Variants in EXPH5 observed in about 807,000 individuals in gnomAD.
The protein encoded by EXPH5 is exophilin 5.
A neutral mutation model predicts 41.1 loss-of-function variants in EXPH5; 42 were observed. The observed-to-expected ratio is 1.02, with a 90% confidence interval of 0.80 to 1.32. EXPH5 has a LOEUF of 1.32. Ranked by LOEUF, EXPH5 falls within the 40% of genes most tolerant of loss-of-function variation. EXPH5 has a pLI of 0.00. For synonymous variants in EXPH5, 798 were observed against 833.5 expected (o/e 0.96, Z 0.73); for missense variants, 2,298 against 2,314.5 (o/e 0.99, Z 0.15).
At chr11:108,604,263 G>A in the EXPH5 span, among the ~76,000 whole-genome samples, 2 of 151,302 alleles carry the variant, frequency 1.3e-5, no homozygotes, top group Admixed American at 6.6e-5. Context: ...GGGCATGGTG[G>A]TGTGTGCCTG....
Position 108,509,827 on chromosome 11 carries a change from G to A in EXPH5, c.5680C>T (p.Gln1894Ter). 6.2e-7 allele frequency: 1 copy of A among 1,613,590 alleles called. No homozygotes were observed. Among genetic ancestry groups the A allele is most frequent in the Non-Finnish European group, 8.5e-7 (1 of 1,179,870 alleles). The change falls in exon 6 of 6, where the codon CAG becomes TAG. Residue 1894 changes from glutamine to a stop codon, truncating the protein, a stop_gained. Transcript: ENST00000265843. LOFTEE classifies it high-confidence loss of function. ...TTTACATTTTCTAAGAAAGCTAACTGTTGTTCTTTCCCAAAGATCCCATAG... is the reference window on the plus strand; with the variant it reads ...TTTACATTTTCTAAGAAAGCTAACTATTGTTCTTTCCCAAAGATCCCATAG... ...IDYGIFGKEQ[Q>*]LAFLENVKRS...
intron 1 of EXPH5, among the ~76,000 whole-genome samples, chr11:108,582,058 T>A (rs1382719323): frequency 6.6e-6 from 1 of 152,174 alleles, no homozygotes; most frequent in East Asian, 1.9e-4. Flanking sequence ...ATTTTACCAA[T>A]CGTTTAAGGA....
chr11:108,509,774 C>T lies in EXPH5; in HGVS notation c.5733G>A (p.Trp1911Ter). The T allele has an allele frequency of 6.2e-7, 1 of 1,608,090 alleles. No individual in the cohort carries two copies. The highest frequency in any genetic ancestry group is 8.5e-7 in the Non-Finnish European group (1 of 1,178,434). ...VKRSLTQGRL[W>*]KPSFLKNPGF... ...CAGGGTTCTTAAGAAAACTTGGTTTCCATAATCTTCCTTGTGTAAGTGACC... is the reference window on the plus strand; with the variant it reads ...CAGGGTTCTTAAGAAAACTTGGTTTTCATAATCTTCCTTGTGTAAGTGACC... Residue 1911 changes from tryptophan to a stop codon, truncating the protein, a stop_gained, in exon 6 of 6, where the codon TGG becomes TGA. Coordinates refer to ENST00000265843, the MANE Select transcript of EXPH5 (RefSeq NM_015065.3). LOFTEE classifies it high-confidence loss of function.
intron 1 of EXPH5, among the ~76,000 whole-genome samples, chr11:108,572,683 C>T (rs1188418711): frequency 5.3e-5 from 8 of 152,108 alleles, no homozygotes; most frequent in East Asian, 1.9e-4. Flanking sequence ...CTCAGCCTCC[C>T]GAATAGCTGG....
chr11:108,542,004 A>G (rs1428947590), intron 1 of EXPH5, among the ~76,000 whole-genome samples, 192 bp from the exon 2 acceptor site: 2 of 152,034 alleles, frequency 1.3e-5, no homozygotes, highest in African/African-American at 4.8e-5. Context: ...CAGCTTCCCA[A>G]GTAGCTGAGA....
chr11:108,606,544 T>A, the EXPH5 span, among the ~76,000 whole-genome samples: 1 of 152,144 alleles, frequency 6.6e-6, no homozygotes, highest in African/African-American at 2.4e-5. Context: ...TTTAAAAAAA[T>A]GGATTTTAAA....
intron 2 of EXPH5, among the ~76,000 whole-genome samples, chr11:108,540,910 T>A (rs921399487): frequency 3.9e-5 from 6 of 151,950 alleles, no homozygotes; most frequent in Non-Finnish European, 8.8e-5. Flanking sequence ...TTCTATTATT[T>A]TTTTTTTATT....
At chr11:108,587,354 C>T (rs188185938) in intron 1 of EXPH5, among the ~76,000 whole-genome samples, 103 of 152,354 alleles carry the variant, frequency 6.8e-4, no homozygotes, top group Middle Eastern at 3.4e-3. Flanking sequence ...GACTAACCTT[C>T]ACCTGACTTT....
At chr11:108,539,375 C>T (rs997635790) in intron 2 of EXPH5, among the ~76,000 whole-genome samples, 189 bp from the exon 3 acceptor site, 1 of 152,160 alleles carries the variant, frequency 6.6e-6, no homozygotes, top group Non-Finnish European at 1.5e-5. Flanking sequence ...TCTGATGGTT[C>T]TGCTGCATAG....
chr11:108,605,565 C>T, the EXPH5 span, among the ~76,000 whole-genome samples: 1 of 152,126 alleles, frequency 6.6e-6, no homozygotes, highest in Admixed American at 6.5e-5. Flanking sequence ...GGACAGCCCC[C>T]CTCCTACGCC....
At chr11:108,521,326 T>C (rs574310582) in intron 4 of EXPH5, among the ~76,000 whole-genome samples, 3 of 152,298 alleles carry the variant, frequency 2.0e-5, no homozygotes, top group African/African-American at 7.2e-5. Flanking sequence ...CCTTGTGTTT[T>C]CACTCCTGCT....
rs1417609574 is a variant in EXPH5 at position 108,509,315 on chromosome 11, G to C, written c.*222C>G. 2 of 387,074 alleles carry C rather than the reference G, an allele frequency of 5.2e-6. No individual in the cohort carries two copies. The highest frequency in any genetic ancestry group is 9.1e-6 in the Non-Finnish European group (2 of 219,132). The allele number at this position is 387,074 out of a possible 1,614,324, so 24.0% of individuals were successfully genotyped here. A position where few individuals can be genotyped will look rare whatever the true frequency, so the allele number is the denominator to read the frequency against. On this transcript the variant is annotated 3_prime_UTR_variant, in exon 6 of 6. Transcript: ENST00000265843. ...GAAAGGCAGGCTAAGAACATTTACA[G>C]AGATAGAAAATAGCAGAGACTCTCT...
Position 108,514,608 on chromosome 11 carries a change from G to A in EXPH5, c.899C>T (p.Thr300Ile), listed in dbSNP as rs1228711060. Reference sequence around the variant, plus strand: ...TTCTTTAAAGACTCTGGGCTCCCTTGTCCTATACATATCATAAATTGTGCT... The same window carrying A: ...TTCTTTAAAGACTCTGGGCTCCCTTATCCTATACATATCATAAATTGTGCT... ...RTSTIYDMYR[T>I]REPRVFKEDY... Residue 300 changes from threonine to isoleucine, a missense_variant, in exon 6 of 6, where the codon ACA (threonine) becomes ATA (isoleucine). Coordinates refer to ENST00000265843, the MANE Select transcript of EXPH5 (RefSeq NM_015065.3). 1 of 1,612,768 alleles carries A rather than the reference G, an allele frequency of 6.2e-7. No homozygotes were observed. Among genetic ancestry groups the A allele is most frequent in the East Asian group, 2.2e-5 (1 of 44,880 alleles).
chr11:108,607,259 T>C, the EXPH5 span, among the ~76,000 whole-genome samples: 12 of 152,212 alleles, frequency 7.9e-5, no homozygotes, highest in African/African-American at 2.4e-5. Context: ...GAGTACACAA[T>C]ATTAACATCA....
chr11:108,512,266 A>G lies in EXPH5; in HGVS notation c.3241T>C (p.Cys1081Arg). The stretch of plus-strand genomic sequence containing the variant: ...GCTGAGTCTGAAAGGACTTTGGAAC[A>G]TTCATTCGCTGACTCAGGAGAACTG... Reference protein sequence around the residue: ...SPSSPESANECSKVLSDSALE... With the variant: ...SPSSPESANERSKVLSDSALE... The change falls in exon 6 of 6, where the codon TGT becomes CGT. Residue 1081 changes from cysteine (C) to arginine (R), a missense_variant. Cys to Arg is a radical substitution (Grantham distance 180). Coordinates refer to ENST00000265843, the MANE Select transcript of EXPH5 (RefSeq NM_015065.3). The G allele has an allele frequency of 3.7e-6, 6 of 1,612,822 alleles. No individual in the cohort carries two copies. The highest frequency in any genetic ancestry group is 5.1e-6 in the Non-Finnish European group (6 of 1,179,626).
intron 1 of EXPH5, among the ~76,000 whole-genome samples, chr11:108,545,594 G>A (rs183770022): frequency 6.1e-4 from 93 of 152,038 alleles, no homozygotes; most frequent in African/African-American, 2.0e-3. Flanking sequence ...GAGTGTGTGT[G>A]GGGGGGAAAC....
the EXPH5 span, among the ~76,000 whole-genome samples, chr11:108,602,895 G>A: frequency 5.3e-5 from 8 of 152,244 alleles, no homozygotes; most frequent in South Asian, 4.1e-4. Flanking sequence ...CCCAAATCTC[G>A]TCTCAAATTG....
chr11:108,570,735 G>A lies in EXPH5; in HGVS notation c.119+22683C>T, dbSNP rs79072584. Among the ~76,000 whole-genome samples, 1,287 of 152,230 alleles carry A rather than the reference G, an allele frequency of 8.5e-3. 26 individuals carry two copies. Among genetic ancestry groups the A allele is most frequent in the African/African-American group, 0.03 (1,239 of 41,524 alleles). On this transcript the variant is annotated intron_variant, in intron 1 of 5. Transcript: ENST00000265843. ...ATTTTTAAATTATTCTGCAGAGATG[G>A]GGGTCTCGCTACGTTGTTCAGGCTG...
At position 108,539,157 on chromosome 11, in the gene EXPH5, T is replaced by C. The variant is rs1246329613; in HGVS notation, c.310A>G (p.Lys104Glu). Reference protein sequence around the residue: ...DPIELPTSRSKNVTNQKKPTP... With the variant: ...DPIELPTSRSENVTNQKKPTP... ...GGCTTTTTTTGATTAGTTACATTTTTAGATCTTGATGTAGGTAATTCTATC... is the reference window on the plus strand; with the variant it reads ...GGCTTTTTTTGATTAGTTACATTTTCAGATCTTGATGTAGGTAATTCTATC... Residue 104 changes from lysine to glutamate, a missense_variant, in exon 3 of 6, where the codon AAA becomes GAA. Transcript: ENST00000265843. 2 of 1,606,368 alleles carry C rather than the reference T, an allele frequency of 1.2e-6. No homozygotes were observed. The highest frequency in any genetic ancestry group is 1.7e-6 in the Non-Finnish European group (2 of 1,176,834).
Sources: allele counts gnomAD v4.1 joint callset (sites outside exome capture counted in the v4.1 genomes callset), GRCh38; gene constraint gnomAD v4.1.1; transcripts MANE v1.5; gene names NCBI Gene and HGNC (gene_info 2026-07-23, HGNC 2026-07-21).